Variants in ARHGEF10 observed in about 807,000 individuals in gnomAD.
ARHGEF10 encodes the protein Rho guanine nucleotide exchange factor (GEF) 10.
ARHGEF10 carries 140 observed loss-of-function variants against 147.4 expected under a neutral mutation model. The observed-to-expected ratio is 0.95, with a 90% CI of 0.83 to 1.09. The LOEUF is 1.09. ARHGEF10 is among the 50% of genes least tolerant of loss of function. ARHGEF10 has a pLI of 0.00. For missense variants in ARHGEF10, 2,222 were observed against 1,752.7 expected (o/e 1.27, Z -4.78); for synonymous variants, 902 against 695.8 (o/e 1.30, Z -4.67).
chr8:1,944,239 G>A (rs1050313162), intron 26 of ARHGEF10, among the ~76,000 whole-genome samples: 11 of 152,208 alleles, frequency 7.2e-5, no homozygotes, highest in African/African-American at 2.4e-4. Flanking sequence ...GGGGGCCCCA[G>A]CCTCCCGCAC....
Position 1,857,957 on chromosome 8 carries a change from T to C in ARHGEF10, c.38-3T>C. On this transcript the variant is annotated splice_polypyrimidine_tract_variant and splice_region_variant and intron_variant, in intron 2 of 28. Transcript: ENST00000349830. ...TTGATGTGGTTTTGGTTTTTCTTTT[T>C]AGAAAATGAAATGAAATATGATACC... 1 of 1,613,572 alleles carries C rather than the reference T, an allele frequency of 6.2e-7. No individual in the cohort carries two copies. The highest frequency in any genetic ancestry group is 1.1e-5 in the South Asian group (1 of 91,028).
chr8:1,877,259 G>C (rs1423123401), intron 8 of ARHGEF10, among the ~76,000 whole-genome samples: 1 of 151,984 alleles, frequency 6.6e-6, no homozygotes. Context: ...ATGGAGTCTC[G>C]TTCTGTCTCC....
intron 9 of ARHGEF10, among the ~76,000 whole-genome samples, chr8:1,881,645 TGTG>T (rs1808207038): frequency 6.6e-6 from 1 of 151,998 alleles, no homozygotes; most frequent in Non-Finnish European, 1.5e-5. Flanking sequence ...GTGCGTGTTG[TGTG>T]GTGTTCATGG....
At chr8:1,859,605 T>G (rs1805922167) in intron 3 of ARHGEF10, among the ~76,000 whole-genome samples, 1 of 151,720 alleles carries the variant, frequency 6.6e-6, no homozygotes, top group Non-Finnish European at 1.5e-5. Flanking sequence ...CACCAGACTC[T>G]TGGTGAGGGG....
chr8:1,890,030 T>C (rs1809329053), intron 11 of ARHGEF10, among the ~76,000 whole-genome samples: 1 of 138,316 alleles, frequency 7.2e-6, no homozygotes, highest in Admixed American at 7.2e-5. Flanking sequence ...GTGAGGGGTA[T>C]TGAGACACTG....
chr8:1,872,103 T>TC (rs924703899), intron 7 of ARHGEF10, among the ~76,000 whole-genome samples: 4 of 151,914 alleles, frequency 2.6e-5, no homozygotes, highest in African/African-American at 9.7e-5. Flanking sequence ...AAAAAGTTGA[T>TC]CAAGAGGATG....
chr8:1,925,806 C>A (rs1458733478), intron 22 of ARHGEF10, among the ~76,000 whole-genome samples: 1 of 152,220 alleles, frequency 6.6e-6, no homozygotes, highest in Non-Finnish European at 1.5e-5. Context: ...TTTGCCTTGG[C>A]AGACTCCATC....
At chr8:1,952,853 GC>G (rs1563335337) in intron 28 of ARHGEF10, 26 bp downstream of exon 28, 2 of 1,613,532 alleles carry the variant, frequency 1.2e-6, no homozygotes, top group Admixed American at 3.3e-5. Flanking sequence ...AGTCTGAGTG[GC>G]TGCATCCTGT....
In ARHGEF10 at chr8:1,843,370, A is replaced by C. The variant is rs561870542; in HGVS notation, c.-30A>C. 1 of 1,612,772 alleles carries C rather than the reference A, an allele frequency of 6.2e-7. No homozygotes were observed. Among genetic ancestry groups the C allele is most frequent in the East Asian group, 2.2e-5 (1 of 44,884 alleles). Reference sequence around the variant, plus strand: ...TCTTGCAGGAGCTCCTTCCCTTAACAGAGCTGAGAGAGGCATCTGGAGCTG... The same window carrying C: ...TCTTGCAGGAGCTCCTTCCCTTAACCGAGCTGAGAGAGGCATCTGGAGCTG... On this transcript the variant is annotated 5_prime_UTR_variant, in exon 2 of 29. Transcript: ENST00000349830.
intron 25 of ARHGEF10, among the ~76,000 whole-genome samples, chr8:1,930,418 C>T (rs907657759): frequency 6.6e-6 from 1 of 152,182 alleles, no homozygotes; most frequent in Non-Finnish European, 1.5e-5. Flanking sequence ...CGCCTTCATT[C>T]TTCCGCTTCT....
chr8:1,826,031 T>C (rs1802748050), intron 1 of ARHGEF10: 2 of 1,301,084 alleles, frequency 1.5e-6, no homozygotes, highest in Admixed American at 3.8e-5. Context: ...ACTTTGTCCC[T>C]GTCTGTCTCT....
chr8:1,923,162 C>T lies in ARHGEF10; in HGVS notation c.2259+83C>T, dbSNP rs140218511. On this transcript the variant is annotated intron_variant, in intron 19 of 28. Transcript: ENST00000349830. ...TATGTGATTATATCTCCAAGTTCTA[C>T]CAGAAGTGAGAATTCATTTTGACTT... The T allele has an allele frequency of 2.0e-3, 2,160 of 1,088,324 alleles. 4 individuals carry two copies. Among genetic ancestry groups the T allele is most frequent in the Non-Finnish European group, 2.7e-3 (1,972 of 728,654 alleles). 67.4% of individuals were successfully genotyped at this position (1,088,324 alleles called of 1,614,324 possible). A position where few individuals can be genotyped will look rare whatever the true frequency, so the allele number is the denominator to read the frequency against.
At chr8:1,919,476 C>CCG in intron 18 of ARHGEF10, among the ~76,000 whole-genome samples, 1 of 136,066 alleles carries the variant, frequency 7.3e-6, no homozygotes, top group Non-Finnish European at 1.5e-5. Flanking sequence ...TGGAGCTGTT[C>CCG]TGTCCAGTGA....
chr8:1,937,356 G>C lies in ARHGEF10; in HGVS notation c.3222+3414G>C, dbSNP rs1424428289. ...CATCAGTACAGCCATCCTAGTAATT[G>C]CGTATTTACAGAGGGAGCTCAGCCA... On this transcript the variant is annotated intron_variant, in intron 26 of 28. Coordinates refer to ENST00000349830, the MANE Select transcript of ARHGEF10 (RefSeq NM_014629.4). The surrounding 1 kb of genome is among the most constrained non-coding windows in gnomAD (Gnocchi z 4.9). Among the ~76,000 whole-genome samples, 1 of 152,082 alleles carries C rather than the reference G, an allele frequency of 6.6e-6. No homozygotes were observed. The highest frequency in any genetic ancestry group is 1.9e-4 in the East Asian group (1 of 5,170).
At chr8:1,825,641 C>A (rs376406704) in intron 1 of ARHGEF10, among the ~76,000 whole-genome samples, 50 of 152,088 alleles carry the variant, frequency 3.3e-4, no homozygotes, top group African/African-American at 1.1e-3. Flanking sequence ...GGCCCCTGGG[C>A]ACTGAAGGTG....
In ARHGEF10 at chr8:1,869,088, C is replaced by T. The variant is rs59431095; in HGVS notation, c.623-106C>T. On this transcript the variant is annotated intron_variant, in intron 6 of 28. Transcript: ENST00000349830. ...AAAAAAAACTACCCTTATAAACCAA[C>T]TTTTTGAATAATCATGACATCATCG... 6.8e-4 allele frequency: 749 copies of T among 1,099,656 alleles called. 1 individual carries two copies. In the African/African-American group the frequency reaches 9.7e-3, roughly 14 times the overall value. 68.1% of individuals were successfully genotyped at this position (1,099,656 alleles called of 1,614,324 possible). A position where few individuals can be genotyped will look rare whatever the true frequency, so the allele number is the denominator to read the frequency against.
intron 26 of ARHGEF10, among the ~76,000 whole-genome samples, chr8:1,942,133 G>A (rs117285378): frequency 6.6e-6 from 1 of 151,512 alleles, no homozygotes; most frequent in African/African-American, 2.4e-5. Flanking sequence ...CTTCATTAAA[G>A]TTAAAACCTT....
In ARHGEF10 at chr8:1,864,419, C is replaced by T. The variant is rs141543490; in HGVS notation, c.528C>T (p.Ser176=). 117 of 1,614,100 alleles carry T rather than the reference C, an allele frequency of 7.2e-5. No homozygotes were observed. Among genetic ancestry groups the T allele is most frequent in the African/African-American group, 5.6e-4 (42 of 75,040 alleles). ...TEDRQPNSLS[S]EEPPTSEDQV... The stretch of plus-strand genomic sequence containing the variant: ...ATCGCCAGCCCAATTCTCTGAGTTC[C>T]GAGGAGCCTCCAACCAGGTATCTGC... Residue 176 remains serine (S), a synonymous_variant, in exon 5 of 29, where the codon TCC becomes TCT. Coordinates refer to ENST00000349830, the MANE Select transcript of ARHGEF10 (RefSeq NM_014629.4).
Position 1,860,157 on chromosome 8 carries a change from A to G in ARHGEF10, c.454A>G (p.Ile152Val). 1 of 1,613,550 alleles carries G rather than the reference A, an allele frequency of 6.2e-7. No individual in the cohort carries two copies. Among genetic ancestry groups the G allele is most frequent in the South Asian group, 1.1e-5 (1 of 91,070 alleles). Reference sequence around the variant, plus strand: ...GCCCGCCTACTCCAGCCCGGTCATCATCTGCGCCACGTCCCTGGACGAAGA... The same window carrying G: ...GCCCGCCTACTCCAGCCCGGTCATCGTCTGCGCCACGTCCCTGGACGAAGA... Reference protein sequence around the residue: ...LLPAYSSPVIICATSLDEEET... With the variant: ...LLPAYSSPVIVCATSLDEEET... The change falls in exon 4 of 29, where the codon ATC becomes GTC. Residue 152 changes from isoleucine to valine, a missense_variant. Coordinates refer to ENST00000349830, the MANE Select transcript of ARHGEF10 (RefSeq NM_014629.4).
Sources: gnomAD v4.1 joint callset for allele counts (sites outside exome capture counted in the v4.1 genomes callset) on GRCh38, gnomAD v4.1.1 for gene constraint, Gnocchi (gnomAD v3.1) non-coding constraint, MANE v1.5 for transcripts, NCBI Gene and HGNC (gene_info 2026-07-23, HGNC 2026-07-21) for gene names.